The following GABRB2 variants were observed in gnomAD, a reference collection of about 807,000 sequenced individuals.
GABRB2 encodes gamma-aminobutyric acid type A receptor subunit beta2, also known as gamma-aminobutyric acid receptor subunit beta-2.
A neutral mutation model predicts 54.7 loss-of-function variants in GABRB2; 16 were observed. That is an observed-to-expected ratio of 0.29 (90% CI 0.20 to 0.44). The LOEUF (loss-of-function observed/expected upper bound fraction) is 0.44. GABRB2 is among the 20% of genes least tolerant of loss of function. The pLI is 1.00. For missense variants in GABRB2, 355 were observed against 644.0 expected (o/e 0.55, Z 4.86); for synonymous variants, 244 against 233.8 (o/e 1.04, Z -0.40).
chr5:161,441,231 AC>A (rs1201128494), intron 4 of GABRB2, among the ~76,000 whole-genome samples: 1 of 152,182 alleles, frequency 6.6e-6, no homozygotes, highest in Non-Finnish European at 1.5e-5. Flanking sequence ...GGAATCAATA[AC>A]CAGAATATAT....
At chr5:161,471,726 A>G (rs1262877698) in intron 3 of GABRB2, among the ~76,000 whole-genome samples, 1 of 151,990 alleles carries the variant, frequency 6.6e-6, no homozygotes, top group Admixed American at 6.6e-5. Flanking sequence ...TTATCTTAAT[A>G]TGTAAAATTC....
chr5:161,469,556 A>AAAAGG (rs1330710624), intron 3 of GABRB2, among the ~76,000 whole-genome samples: 1 of 152,044 alleles, frequency 6.6e-6, no homozygotes, highest in Non-Finnish European at 1.5e-5. Context: ...ACAACAACAA[A>AAAAGG]AAAGGCAACC....
intron 3 of GABRB2, among the ~76,000 whole-genome samples, chr5:161,537,123 T>A (rs1020886919): frequency 2.0e-5 from 3 of 152,214 alleles, no homozygotes; most frequent in African/African-American, 4.8e-5. Flanking sequence ...GACATGATTA[T>A]CTGGAGTATC....
At chr5:161,394,881 C>T (rs1471656808) in intron 5 of GABRB2, among the ~76,000 whole-genome samples, 16 of 152,022 alleles carry the variant, frequency 1.1e-4, no homozygotes, top group African/African-American at 3.1e-4. Context: ...AATATCAGTC[C>T]TAAAAAGGCA....
At chr5:161,341,937 T>TA (rs1754172106) in intron 5 of GABRB2, among the ~76,000 whole-genome samples, 14 of 75,708 alleles carry the variant, frequency 1.8e-4, no homozygotes, top group African/African-American at 1.4e-4. Context: ...ATTTTTTCTT[T>TA]TATATATATA....
At chr5:161,531,843 A>G (rs1581063297) in intron 3 of GABRB2, among the ~76,000 whole-genome samples, 1 of 150,698 alleles carries the variant, frequency 6.6e-6, no homozygotes, top group East Asian at 1.9e-4. Flanking sequence ...ATGTTTGATA[A>G]CATACACTGC....
At chr5:161,342,844 G>A (rs1327142518) in intron 5 of GABRB2, among the ~76,000 whole-genome samples, 1 of 152,042 alleles carries the variant, frequency 6.6e-6, no homozygotes, top group Non-Finnish European at 1.5e-5. Context: ...CATAGAGATA[G>A]AATTATCTTT....
chr5:161,397,702 C>T (rs997498479), intron 5 of GABRB2, among the ~76,000 whole-genome samples: 1 of 152,146 alleles, frequency 6.6e-6, no homozygotes, highest in Non-Finnish European at 1.5e-5. Context: ...AGAATCACTT[C>T]CTATATTAAA....
chr5:161,507,247 GA>G (rs1230606848), intron 3 of GABRB2, among the ~76,000 whole-genome samples: 1 of 151,456 alleles, frequency 6.6e-6, no homozygotes, highest in African/African-American at 2.4e-5. Flanking sequence ...TCCTGGAACA[GA>G]AAAAAAATGT....
At chr5:161,399,992 G>A (rs1250854701) in intron 5 of GABRB2, among the ~76,000 whole-genome samples, 3 of 152,146 alleles carry the variant, frequency 2.0e-5, no homozygotes, top group Non-Finnish European at 4.4e-5. Context: ...GGGGTAGATG[G>A]TAGATTCTGG....
At chr5:161,541,627 A>C (rs1760820033) in intron 3 of GABRB2, among the ~76,000 whole-genome samples, 1 of 152,244 alleles carries the variant, frequency 6.6e-6, no homozygotes, top group Admixed American at 6.5e-5. Flanking sequence ...ATCCTAAAGC[A>C]GCCTCTGCTA....
chr5:161,350,445 C>A (rs1008554406), intron 5 of GABRB2, among the ~76,000 whole-genome samples: 7 of 151,886 alleles, frequency 4.6e-5, no homozygotes, highest in Non-Finnish European at 1.0e-4. Context: ...TTTATAATAG[C>A]TAAAAAATAA....
chr5:161,417,945 A>C (rs1203707980), intron 4 of GABRB2, among the ~76,000 whole-genome samples: 1 of 152,198 alleles, frequency 6.6e-6, no homozygotes, highest in Non-Finnish European at 1.5e-5. Flanking sequence ...TAATCACCAA[A>C]AAAAGTAAGA....
chr5:161,499,773 T>C (rs565732386), intron 3 of GABRB2, among the ~76,000 whole-genome samples: 1 of 152,282 alleles, frequency 6.6e-6, no homozygotes, highest in Non-Finnish European at 1.5e-5. Context: ...TCTAGGAGGA[T>C]GCATAAGGCA....
chr5:161,541,132 C>T (rs1437006553), intron 3 of GABRB2, among the ~76,000 whole-genome samples: 1 of 152,002 alleles, frequency 6.6e-6, no homozygotes, highest in Admixed American at 6.6e-5. Context: ...AGGCGTCAGC[C>T]ATTGCACCTG....
intron 5 of GABRB2, among the ~76,000 whole-genome samples, chr5:161,361,361 T>C (rs1311028787): frequency 6.6e-6 from 1 of 152,154 alleles, no homozygotes; most frequent in African/African-American, 2.4e-5. Flanking sequence ...ATTTATGCTT[T>C]AGAAATAATC....
At chr5:161,315,400 C>A (rs1182346248) in intron 9 of GABRB2, among the ~76,000 whole-genome samples, 1 of 152,038 alleles carries the variant, frequency 6.6e-6, no homozygotes, top group Non-Finnish European at 1.5e-5. Flanking sequence ...GATTCAAGGG[C>A]TTTGGTCCTG....
At chr5:161,496,967 C>G (rs888280561) in intron 3 of GABRB2, among the ~76,000 whole-genome samples, 2 of 152,118 alleles carry the variant, frequency 1.3e-5, no homozygotes, top group African/African-American at 4.8e-5. Context: ...CCATCAAACT[C>G]ATGATCCTCA....
At chr5:161,455,121 T>G (rs1046719728) in intron 4 of GABRB2, among the ~76,000 whole-genome samples, 1 of 152,226 alleles carries the variant, frequency 6.6e-6, no homozygotes, top group Non-Finnish European at 1.5e-5. Flanking sequence ...GAGCAGCTGG[T>G]GTGCATGCTT....
Sources: gnomAD v4.1 joint callset for allele counts (sites outside exome capture counted in the v4.1 genomes callset) on GRCh38, gnomAD v4.1.1 for gene constraint, MANE v1.5 for transcripts, NCBI Gene and HGNC (gene_info 2026-07-23, HGNC 2026-07-21) for gene names.